The following ITGA9 variants were observed in gnomAD, a reference collection of about 807,000 sequenced individuals.
ITGA9 encodes integrin alpha-9.
Under a neutral mutation model 127.8 loss-of-function variants are expected in ITGA9, and 56 were observed. The ratio of observed to expected loss-of-function variants is 0.44; its 90% CI spans 0.35 to 0.55. ITGA9 has a LOEUF of 0.55. ITGA9 is among the 20% of genes least tolerant of loss of function. ITGA9 has a pLI of 0.00. For missense variants in ITGA9, 1,196 were observed against 1,347.1 expected (o/e 0.89, Z 1.76); for synonymous variants, 508 against 514.5 (o/e 0.99, Z 0.17).
chr3:37,574,233 A>C (rs1448497291), intron 15 of ITGA9, among the ~76,000 whole-genome samples: 2 of 152,168 alleles, frequency 1.3e-5, no homozygotes, highest in Admixed American at 6.5e-5. Flanking sequence ...TAAGACTGTT[A>C]ATAGTGTATT....
At chr3:37,553,366 G>C (rs760068010) in intron 15 of ITGA9, among the ~76,000 whole-genome samples, 2 of 152,150 alleles carry the variant, frequency 1.3e-5, no homozygotes, top group African/African-American at 2.4e-5. Flanking sequence ...AGAAAATCCC[G>C]CACTATTGCA....
At chr3:37,718,226 T>C (rs1484727693) in intron 18 of ITGA9, among the ~76,000 whole-genome samples, 2 of 152,364 alleles carry the variant, frequency 1.3e-5, no homozygotes, top group Admixed American at 6.5e-5. Flanking sequence ...AGAATTATTG[T>C]GTAGAAGCTG....
At chr3:37,664,066 T>C (rs981297000) in intron 17 of ITGA9, among the ~76,000 whole-genome samples, 2 of 152,218 alleles carry the variant, frequency 1.3e-5, no homozygotes, top group Non-Finnish European at 2.9e-5. Context: ...GGTTACTTGC[T>C]CAAGGCTCAT....
rs902776479 is a variant in ITGA9, at chr3:37,821,117, T to A, written c.*2128T>A. The A allele has an allele frequency of 6.6e-6, 1 of 152,082 alleles. No individual in the cohort carries two copies. The highest frequency in any genetic ancestry group is 1.5e-5 in the Non-Finnish European group (1 of 67,992). 9.4% of individuals were successfully genotyped at this position (152,082 alleles called of 1,614,324 possible). A position where few individuals can be genotyped will look rare whatever the true frequency, so the allele number is the denominator to read the frequency against. Reference sequence around the variant, plus strand: ...CTTCTCTTCCTGGTGAACATGGGAATAGACCAAAAAAATCAAGGGTCAATG... The same window carrying A: ...CTTCTCTTCCTGGTGAACATGGGAAAAGACCAAAAAAATCAAGGGTCAATG... On this transcript the variant is annotated 3_prime_UTR_variant, in exon 28 of 28. Transcript: ENST00000264741.
intron 14 of ITGA9, among the ~76,000 whole-genome samples, chr3:37,536,627 C>T (rs1372004609): frequency 1.3e-5 from 2 of 152,208 alleles, no homozygotes; most frequent in Non-Finnish European, 2.9e-5. Flanking sequence ...TTATTTCCTG[C>T]TTTAGAAATG....
chr3:37,690,752 T>C (rs1057328429), intron 18 of ITGA9, among the ~76,000 whole-genome samples: 1 of 152,186 alleles, frequency 6.6e-6, no homozygotes, highest in African/African-American at 2.4e-5. Flanking sequence ...TGAGATGCTC[T>C]CTTGGTTTGG....
chr3:37,581,382 A>G (rs1699707970), intron 15 of ITGA9, among the ~76,000 whole-genome samples: 1 of 152,096 alleles, frequency 6.6e-6, no homozygotes, highest in Non-Finnish European at 1.5e-5. Context: ...TTGGGTCTTG[A>G]GCGCGTGATT....
In ITGA9 at chr3:37,615,878, C is replaced by A. The variant is rs201163989; in HGVS notation, c.1690-13309C>A. Among the ~76,000 whole-genome samples, 5 of 152,106 alleles carry A rather than the reference C, an allele frequency of 3.3e-5. No homozygotes were observed. In the South Asian group the frequency reaches 8.3e-4, roughly 25 times the overall value. The stretch of plus-strand genomic sequence containing the variant: ...CTCTTTTCTTCATTAGTCTTGCTAG[C>A]GGTCTATCAATTTTGTTGATCTTTT... On this transcript the variant is annotated intron_variant, in intron 15 of 27. Transcript: ENST00000264741.
At chr3:37,798,418 G>A (rs749835744) in intron 26 of ITGA9, among the ~76,000 whole-genome samples, 6 of 152,148 alleles carry the variant, frequency 3.9e-5, no homozygotes, top group African/African-American at 1.2e-4. Flanking sequence ...GCATCCCCTC[G>A]CCCCTTTCTA....
intron 16 of ITGA9, among the ~76,000 whole-genome samples, chr3:37,636,223 G>T (rs1370681155): frequency 6.6e-6 from 1 of 152,158 alleles, no homozygotes; most frequent in African/African-American, 2.4e-5. Context: ...TTCCACAATG[G>T]TTGAACTAGT....
chr3:37,751,326 A>G (rs1002064757), intron 23 of ITGA9, among the ~76,000 whole-genome samples: 12 of 152,068 alleles, frequency 7.9e-5, no homozygotes, highest in African/African-American at 2.9e-4. Context: ...CGCACCTATG[A>G]TGTACTATGG....
At chr3:37,739,808 G>C (rs528379345) in intron 20 of ITGA9, among the ~76,000 whole-genome samples, 1 of 152,158 alleles carries the variant, frequency 6.6e-6, no homozygotes, top group African/African-American at 2.4e-5. Context: ...GACCTGGCAG[G>C]ATGCTGGGGT....
At chr3:37,725,434 TGTGTGTATTCA>T (rs1696175938) in intron 18 of ITGA9, among the ~76,000 whole-genome samples, 2 of 152,120 alleles carry the variant, frequency 1.3e-5, no homozygotes, top group Non-Finnish European at 2.9e-5. Context: ...TCCCCACACC[TGTGTGTATTCA>T]AAGCACCATG....
Position 37,551,902 on chromosome 3 carries a change from C to T in ITGA9, c.1689+9317C>T, listed in dbSNP as rs1392737765. Among the ~76,000 whole-genome samples, 7 of 152,352 alleles carry T rather than the reference C, an allele frequency of 4.6e-5. No individual in the cohort carries two copies. The East Asian group carries it at 9.6e-4, about 21-fold the overall frequency. On this transcript the variant is annotated intron_variant, in intron 15 of 27. Transcript: ENST00000264741. The stretch of plus-strand genomic sequence containing the variant: ...GGCCTCTGAATGAAGACGGATGAGC[C>T]GTGTGGACACAGCCACACTATGTTT...
intron 18 of ITGA9, among the ~76,000 whole-genome samples, chr3:37,725,824 G>A (rs189539020): frequency 3.3e-4 from 50 of 152,352 alleles, no homozygotes; most frequent in Non-Finnish European, 4.7e-4. Context: ...AGGAACTGGA[G>A]GCTTAGAGAA....
intron 15 of ITGA9, among the ~76,000 whole-genome samples, chr3:37,546,728 T>C (rs1425527257): frequency 6.6e-6 from 1 of 152,162 alleles, no homozygotes; most frequent in Non-Finnish European, 1.5e-5. Context: ...GCTTCTGATA[T>C]GGAGTGGGGC....
chr3:37,636,692 C>T (rs2125638843), intron 16 of ITGA9, among the ~76,000 whole-genome samples: 1 of 152,340 alleles, frequency 6.6e-6, no homozygotes, highest in East Asian at 1.9e-4. Flanking sequence ...GTGATTTAGA[C>T]ATGAAGTCCT....
At chr3:37,716,516 G>A (rs1701137247) in intron 18 of ITGA9, among the ~76,000 whole-genome samples, 1 of 150,780 alleles carries the variant, frequency 6.6e-6, no homozygotes, top group African/African-American at 2.4e-5. Context: ...TCAAAGCATG[G>A]GAAGTAATCA....
At chr3:37,520,669 T>A (rs1699035216) in intron 11 of ITGA9, among the ~76,000 whole-genome samples, 1 of 152,222 alleles carries the variant, frequency 6.6e-6, no homozygotes, top group Non-Finnish European at 1.5e-5. Context: ...AGGAGATTAA[T>A]AAACTTCGGT....
Sources: allele counts gnomAD v4.1 joint callset (sites outside exome capture counted in the v4.1 genomes callset), GRCh38; gene constraint gnomAD v4.1.1; transcripts MANE v1.5; gene names NCBI Gene and HGNC (gene_info 2026-07-23, HGNC 2026-07-21).